Variants in EXOC6B observed in about 807,000 individuals in gnomAD.
EXOC6B encodes the protein exocyst complex component 6B.
A neutral mutation model predicts 113.5 loss-of-function variants in EXOC6B; 54 were observed. The observed-to-expected ratio is 0.48, with a 90% confidence interval of 0.38 to 0.60. EXOC6B has a LOEUF of 0.60. EXOC6B is among the 20% of genes least tolerant of loss of function. The pLI, the probability that EXOC6B is intolerant of heterozygous loss-of-function variation, is 0.00. For missense variants in EXOC6B, 797 were observed against 977.5 expected, an observed-to-expected ratio of 0.82 and a Z score of 2.46; for synonymous variants, 357 against 339.0, an observed-to-expected ratio of 1.05 and a Z score of -0.58.
rs1694339946 is a variant in EXOC6B at position 72,413,706 on chromosome 2, AAAG to A, written c.1981-33839_1981-33837del. 2.7e-5 allele frequency among the ~76,000 whole-genome samples: 4 copies of A among 149,040 alleles called. No individual in the cohort carries two copies. The South Asian group carries it at 8.5e-4, about 32-fold the overall frequency. Reference sequence around the variant, plus strand: ...CAAAAAAGAAAAAAAAAAAAAGAAAAAAGAAAAGATGGGGCCTCTCTATGCTGT... The same window carrying A: ...CAAAAAAGAAAAAAAAAAAAAGAAAAAAAAGATGGGGCCTCTCTATGCTGT... On this transcript the variant is annotated intron_variant, in intron 18 of 21. Coordinates refer to ENST00000272427, the MANE Select transcript of EXOC6B (RefSeq NM_015189.3).
At chr2:72,282,408 G>A (rs1189052681) in intron 20 of EXOC6B, among the ~76,000 whole-genome samples, 1 of 151,518 alleles carries the variant, frequency 6.6e-6, no homozygotes, top group Non-Finnish European at 1.5e-5. Flanking sequence ...CCAGTAAAAG[G>A]ATAAAAGACA....
At chr2:72,818,476 G>A (rs1686401428) in intron 1 of EXOC6B, among the ~76,000 whole-genome samples, 1 of 151,802 alleles carries the variant, frequency 6.6e-6, no homozygotes, top group Non-Finnish European at 1.5e-5. Flanking sequence ...TGTATTTTTA[G>A]TAGAGACACG....
rs768719624 is a variant in EXOC6B, at chr2:72,334,938, A to G, written c.2196+9T>C. ...AAGAAAAACAAAAAACAAAAACACAAAGACTTACTTGTCTCAAGTCGATGA... is the reference window on the plus strand; with the variant it reads ...AAGAAAAACAAAAAACAAAAACACAGAGACTTACTTGTCTCAAGTCGATGA... On this transcript the variant is annotated intron_variant, in intron 20 of 21. Coordinates refer to ENST00000272427, the MANE Select transcript of EXOC6B (RefSeq NM_015189.3). The G allele has an allele frequency of 3.1e-6, 5 of 1,612,580 alleles. No individual in the cohort carries two copies. Among genetic ancestry groups the G allele is most frequent in the Non-Finnish European group, 4.2e-6 (5 of 1,178,962 alleles).
chr2:72,695,123 A>T (rs969737307), intron 6 of EXOC6B, among the ~76,000 whole-genome samples: 1 of 152,224 alleles, frequency 6.6e-6, no homozygotes, highest in African/African-American at 2.4e-5. Context: ...AGACGGCTGG[A>T]TGCTTTGGGG....
At chr2:72,316,811 G>A (rs1687538862) in intron 20 of EXOC6B, among the ~76,000 whole-genome samples, 1 of 152,174 alleles carries the variant, frequency 6.6e-6, no homozygotes, top group Admixed American at 6.5e-5. Flanking sequence ...CAAAATGTCA[G>A]GGACCCAAAG....
intron 6 of EXOC6B, among the ~76,000 whole-genome samples, chr2:72,614,372 G>A (rs1573489735): frequency 6.6e-6 from 1 of 152,230 alleles, no homozygotes; most frequent in Admixed American, 6.5e-5. Context: ...GAGATAAAGA[G>A]GGGAATTTCC....
chr2:72,179,879 G>A (rs1677977255), intron 21 of EXOC6B, among the ~76,000 whole-genome samples: 1 of 152,178 alleles, frequency 6.6e-6, no homozygotes, highest in Admixed American at 6.5e-5. Context: ...GGACCTTTGA[G>A]ATAATATTTG....
chr2:72,394,413 GA>G (rs942424695), intron 18 of EXOC6B, among the ~76,000 whole-genome samples: 3 of 152,120 alleles, frequency 2.0e-5, no homozygotes, highest in African/African-American at 7.2e-5. Context: ...GAAGGTTTCA[GA>G]AAAGTGGTGG....
At chr2:72,664,568 T>C (rs896282018) in intron 6 of EXOC6B, among the ~76,000 whole-genome samples, 3 of 152,142 alleles carry the variant, frequency 2.0e-5, no homozygotes, top group African/African-American at 7.2e-5. Flanking sequence ...CCAGGGAGTT[T>C]TGTGCACAGA....
At chr2:72,408,270 C>A (rs184959152) in intron 18 of EXOC6B, among the ~76,000 whole-genome samples, 1 of 152,110 alleles carries the variant, frequency 6.6e-6, no homozygotes, top group African/African-American at 2.4e-5. Context: ...GAATCAATAT[C>A]GTGAAAATGG....
At position 72,767,808 on chromosome 2, in the gene EXOC6B, T is replaced by TAAAAAAAAAA. The variant is rs34358568; in HGVS notation, c.114-26349_114-26340dup. On this transcript the variant is annotated intron_variant, in intron 1 of 21. Coordinates refer to ENST00000272427, the MANE Select transcript of EXOC6B (RefSeq NM_015189.3). ...AGCCTGGGAGACACAGAGACCTTGTTAAAAAAAAAAAAAAAAAAAAAAAAA... is the reference window on the plus strand; with the variant it reads ...AGCCTGGGAGACACAGAGACCTTGTTAAAAAAAAAAAAAAAAAAAAAAAAAAAAAAAAAAA... 2.4e-3 allele frequency among the ~76,000 whole-genome samples: 31 copies of TAAAAAAAAAA among 12,688 alleles called. 5 individuals carry two copies. Among genetic ancestry groups the TAAAAAAAAAA allele is most frequent in the Middle Eastern group, 0.083 (1 of 12 alleles). 8.3% of individuals were successfully genotyped at this position (12,688 alleles called of 152,430 possible).
intron 18 of EXOC6B, among the ~76,000 whole-genome samples, chr2:72,399,428 A>C (rs960003468): frequency 6.6e-6 from 1 of 152,198 alleles, no homozygotes; most frequent in African/African-American, 2.4e-5. Flanking sequence ...AAGAGGAAGA[A>C]ATAAAAAGTA....
intron 17 of EXOC6B, among the ~76,000 whole-genome samples, chr2:72,480,000 C>T (rs1698980226): frequency 6.6e-6 from 1 of 151,956 alleles, no homozygotes; most frequent in Admixed American, 6.6e-5. Context: ...CCCAGGAATT[C>T]GAGACCAGCC....
In EXOC6B at chr2:72,335,095, G is replaced by A; in HGVS notation, c.2123-75C>T. ...GGGAGATTGGCAGACGGATGACAGG[G>A]AAGACAAGAGAAGCTGGGGGAGAGG... On this transcript the variant is annotated intron_variant, in intron 19 of 21. Transcript: ENST00000272427. 2.3e-6 allele frequency: 3 copies of A among 1,301,208 alleles called. No homozygotes were observed. In the South Asian group the frequency reaches 3.6e-5, roughly 15 times the overall value. The allele number at this position is 1,301,208 out of a possible 1,614,324, so 80.6% of individuals were successfully genotyped here.
rs1677834036 is a variant in EXOC6B, at chr2:72,177,890, T to C, written c.*1445A>G. 1 of 152,244 alleles carries C rather than the reference T, an allele frequency of 6.6e-6. No homozygotes were observed. 9.4% of individuals were successfully genotyped at this position (152,244 alleles called of 1,614,324 possible). On this transcript the variant is annotated 3_prime_UTR_variant, in exon 22 of 22. Transcript: ENST00000272427. ...TTATACTCTTGCCACTAGCCATCTTTCTGCTACTAGCCAGTAGCATCTTTC... is the reference window on the plus strand; with the variant it reads ...TTATACTCTTGCCACTAGCCATCTTCCTGCTACTAGCCAGTAGCATCTTTC...
At chr2:72,810,131 C>G (rs1321682838) in intron 1 of EXOC6B, among the ~76,000 whole-genome samples, 1 of 152,060 alleles carries the variant, frequency 6.6e-6, no homozygotes, top group Non-Finnish European at 1.5e-5. Context: ...AAACAACACT[C>G]TTTTAAATAA....
At chr2:72,244,977 G>T (rs1186893218) in intron 20 of EXOC6B, among the ~76,000 whole-genome samples, 1 of 152,024 alleles carries the variant, frequency 6.6e-6, no homozygotes, top group Non-Finnish European at 1.5e-5. Flanking sequence ...TATGATGAAA[G>T]AAATCAAAGA....
At chr2:72,326,348 G>A (rs1177849960) in intron 20 of EXOC6B, among the ~76,000 whole-genome samples, 1 of 152,132 alleles carries the variant, frequency 6.6e-6, no homozygotes, top group Non-Finnish European at 1.5e-5. Context: ...GAAACCTTCT[G>A]AGTTCCTCAG....
intron 6 of EXOC6B, among the ~76,000 whole-genome samples, chr2:72,680,288 T>C (rs1676607852): frequency 6.6e-6 from 1 of 152,238 alleles, no homozygotes; most frequent in Non-Finnish European, 1.5e-5. Context: ...TTATTAGCTA[T>C]GTAACAATTG....
Sources: gnomAD v4.1 joint callset for allele counts (sites outside exome capture counted in the v4.1 genomes callset) on GRCh38, gnomAD v4.1.1 for gene constraint, MANE v1.5 for transcripts, NCBI Gene and HGNC (gene_info 2026-07-23, HGNC 2026-07-21) for gene names.